Variants in B4GALNT2 observed in about 807,000 individuals in gnomAD.
The protein encoded by B4GALNT2 is beta-1,4-N-acetyl-galactosaminyltransferase 2 (SID blood group), also known as N-acetylneuraminylgalactosylglucosyl-glucoside beta-1,4-N- acetylgalactosaminyltransferase 2.
Under a neutral mutation model 51.1 loss-of-function variants are expected in B4GALNT2, and 42 were observed. The observed-to-expected ratio is 0.82, with a 90% CI of 0.64 to 1.06. The LOEUF is 1.06. Ranked by LOEUF, B4GALNT2 falls within the 50% of genes least tolerant of loss-of-function variation. The pLI, the probability that B4GALNT2 is intolerant of heterozygous loss-of-function variation, is 0.00. For missense variants in B4GALNT2, 602 were observed against 633.6 expected (o/e 0.95, Z 0.54); for synonymous variants, 253 against 251.7 (o/e 1.01, Z -0.05).
chr17:49,154,310 T>A (rs893413447), intron 4 of B4GALNT2, among the ~76,000 whole-genome samples: 1 of 152,126 alleles, frequency 6.6e-6, no homozygotes, highest in South Asian at 2.1e-4. Flanking sequence ...CGGGAGTGCA[T>A]TGTGAAAAGA....
chr17:49,125,639 C>T, the B4GALNT2 span, among the ~76,000 whole-genome samples: 10 of 149,184 alleles, frequency 6.7e-5, no homozygotes, highest in South Asian at 1.9e-3. Flanking sequence ...TCTGCCCGGC[C>T]GCGGCCCCGT....
chr17:49,135,447 A>T (rs1439812474), intron 1 of B4GALNT2, among the ~76,000 whole-genome samples: 1 of 151,218 alleles, frequency 6.6e-6, no homozygotes, highest in African/African-American at 2.4e-5. Flanking sequence ...CCCGCCTAAG[A>T]TGGAGTTTCA....
Position 49,169,708 on chromosome 17 carries a change from C to A in B4GALNT2, c.1501C>A (p.His501Asn). ...GCTGGCCCTCCACTACTTCAAGAACCATCTCCAATGTGCCGCATAAAGGTG... is the reference window on the plus strand; with the variant it reads ...GCTGGCCCTCCACTACTTCAAGAACAATCTCCAATGTGCCGCATAAAGGTG... ...FKLALHYFKN[H>N]LQCAA The change falls in exon 11 of 11, where the codon CAT becomes AAT. Residue 501 changes from histidine to asparagine, a missense_variant. Physicochemically the swap from His to Asn is moderately conservative, Grantham distance 68. Transcript: ENST00000393354. 2 of 1,591,250 alleles carry A rather than the reference C, an allele frequency of 1.3e-6. No individual in the cohort carries two copies. The highest frequency in any genetic ancestry group is 1.3e-5 in the African/African-American group (1 of 74,736).
At position 49,174,847 on chromosome 17, in the gene B4GALNT2, C is replaced by T. The variant is rs908584530; in HGVS notation, c.*5119C>T. 1 of 152,110 alleles carries T rather than the reference C, an allele frequency of 6.6e-6. No homozygotes were observed. Among genetic ancestry groups the T allele is most frequent in the Non-Finnish European group, 1.5e-5 (1 of 68,030 alleles). 9.4% of individuals were successfully genotyped at this position (152,110 alleles called of 1,614,324 possible). ...CTTTGTCTTTCCGCTTGAAGTGGTT[C>T]CTTCAAATCTTGCAAATTTTTTCCT... On this transcript the variant is annotated 3_prime_UTR_variant, in exon 11 of 11. Coordinates refer to ENST00000393354, the MANE Select transcript of B4GALNT2 (RefSeq NM_001159387.2).
At chr17:49,134,438 T>C (rs1432913741) in intron 1 of B4GALNT2, among the ~76,000 whole-genome samples, 1 of 152,224 alleles carries the variant, frequency 6.6e-6, no homozygotes, top group African/African-American at 2.4e-5. Context: ...GCAGTCTTGC[T>C]CCATCACCCA....
chr17:49,148,699 C>A, intron 3 of B4GALNT2: 1 of 561,576 alleles, frequency 1.8e-6, no homozygotes. Flanking sequence ...ACCTTCTTGT[C>A]TGCCAGCTCC....
At position 49,141,340 on chromosome 17, in the gene B4GALNT2, G is replaced by GTTCC. The variant is rs766108082; in HGVS notation, c.111_112insCTTC (p.Ser38LeufsTer23). ...TCGGAAGCATGTTCCTTCAAGCAGT[G>GTTCC]TTCAGCAGCCCCAAGCCAGAACTCC... On this transcript the variant is annotated frameshift_variant, in exon 2 of 11. Transcript: ENST00000393354. LOFTEE classifies it high-confidence loss of function. 6.2e-7 allele frequency: 1 copy of GTTCC among 1,614,168 alleles called. No homozygotes were observed. The highest frequency in any genetic ancestry group is 1.1e-5 in the South Asian group (1 of 91,076).
chr17:49,174,159 A>G lies in B4GALNT2; in HGVS notation c.*4431A>G, dbSNP rs549735229. 9 of 152,286 alleles carry G rather than the reference A, an allele frequency of 5.9e-5. No homozygotes were observed. The South Asian group carries it at 1.9e-3, about 32-fold the overall frequency. 9.4% of individuals were successfully genotyped at this position (152,286 alleles called of 1,614,324 possible). On this transcript the variant is annotated 3_prime_UTR_variant, in exon 11 of 11. Transcript: ENST00000393354. ...GAATTTTGTCAGGAGCTATAATTAA[A>G]CCAGCATGAGAAATCAAATTTTGCA...
chr17:49,135,386 G>T (rs1414694193), intron 1 of B4GALNT2, among the ~76,000 whole-genome samples: 35 of 143,660 alleles, frequency 2.4e-4, no homozygotes, highest in Non-Finnish European at 6.0e-5. Flanking sequence ...TGCAACCTCC[G>T]CCTCCCAGGT....
intron 3 of B4GALNT2, among the ~76,000 whole-genome samples, chr17:49,146,987 G>A (rs59412945): frequency 0.054 from 8,278 of 152,220 alleles, 371 homozygotes; most frequent in South Asian, 0.13. Context: ...ATAAATCTCT[G>A]GAGTATATAC....
intron 3 of B4GALNT2, among the ~76,000 whole-genome samples, chr17:49,144,386 C>G (rs1315205721): frequency 2.6e-5 from 4 of 152,316 alleles, no homozygotes; most frequent in South Asian, 4.1e-4. Flanking sequence ...CCGTCTCCAT[C>G]AGGAGGTGTT....
rs2144350524 is a variant in B4GALNT2, at chr17:49,171,362, T to G, written c.*1634T>G. On this transcript the variant is annotated 3_prime_UTR_variant, in exon 11 of 11. Transcript: ENST00000393354. The stretch of plus-strand genomic sequence containing the variant: ...TATCTGCTAATCTGTCTGCAGCTCC[T>G]TCAAGCACTCCAGTTCCTGGCATTA... 4.7e-6 allele frequency: 2 copies of G among 429,992 alleles called. No homozygotes were observed. The highest frequency in any genetic ancestry group is 3.4e-5 in the South Asian group (2 of 59,364). 26.6% of individuals were successfully genotyped at this position (429,992 alleles called of 1,614,324 possible). A position where few individuals can be genotyped will look rare whatever the true frequency, so the allele number is the denominator to read the frequency against.
chr17:49,145,804 T>C (rs1431329912), intron 3 of B4GALNT2, among the ~76,000 whole-genome samples: 3 of 152,344 alleles, frequency 2.0e-5, no homozygotes, highest in Non-Finnish European at 2.9e-5. Context: ...TTTATCTTGA[T>C]AGCCCGGGTC....
intron 1 of B4GALNT2, among the ~76,000 whole-genome samples, chr17:49,135,672 T>G (rs1267322411): frequency 6.6e-6 from 1 of 152,170 alleles, no homozygotes; most frequent in Non-Finnish European, 1.5e-5. Context: ...GGTGTGTGCC[T>G]ATAGTCCCAG....
In B4GALNT2 at chr17:49,164,171, C is replaced by A; in HGVS notation, c.850C>A (p.Arg284=). 6.2e-7 allele frequency: 1 copy of A among 1,613,906 alleles called. No individual in the cohort carries two copies. ...GCTCATGATCATGCTCCGGAGTATT[C>A]GAGAGTATTACCCAGACTTGACCGT... The part of the protein sequence containing the change: ...HKLMIMLRSI[R]EYYPDLTVIV... Residue 284 remains arginine, a synonymous_variant, in exon 8 of 11, where the codon CGA becomes AGA. Coordinates refer to ENST00000393354, the MANE Select transcript of B4GALNT2 (RefSeq NM_001159387.2).
In B4GALNT2 at chr17:49,173,685, C is replaced by T. The variant is rs571548440; in HGVS notation, c.*3957C>T. ...CATGTAATTTAACAATCTGAGTTCT[C>T]CCATTTCCTATCATAGTAGCGATTT... On this transcript the variant is annotated 3_prime_UTR_variant, in exon 11 of 11. Coordinates refer to ENST00000393354, the MANE Select transcript of B4GALNT2 (RefSeq NM_001159387.2). 2.6e-5 allele frequency: 4 copies of T among 152,254 alleles called. No individual in the cohort carries two copies. In the East Asian group the frequency reaches 7.7e-4, roughly 29 times the overall value. 9.4% of individuals were successfully genotyped at this position (152,254 alleles called of 1,614,324 possible).
At chr17:49,157,957 CA>C (rs1183533673) in intron 5 of B4GALNT2, among the ~76,000 whole-genome samples, 1 of 152,122 alleles carries the variant, frequency 6.6e-6, no homozygotes, top group African/African-American at 2.4e-5. Flanking sequence ...TGACACTATT[CA>C]ATTTCCTTTA....
At chr17:49,143,267 A>C (rs1468884387) in intron 3 of B4GALNT2, among the ~76,000 whole-genome samples, 3 of 149,370 alleles carry the variant, frequency 2.0e-5, no homozygotes, top group Non-Finnish European at 4.4e-5. Context: ...GAAAAGAGAA[A>C]AAACAAACAA....
chr17:49,147,101 C>T (rs2042701820), intron 3 of B4GALNT2, among the ~76,000 whole-genome samples: 1 of 152,132 alleles, frequency 6.6e-6, no homozygotes, highest in Non-Finnish European at 1.5e-5. Context: ...GAATGCATGA[C>T]TGATGTGGAA....
Sources: gnomAD v4.1 joint callset for allele counts (sites outside exome capture counted in the v4.1 genomes callset) on GRCh38, gnomAD v4.1.1 for gene constraint, MANE v1.5 for transcripts, NCBI Gene and HGNC (gene_info 2026-07-23, HGNC 2026-07-21) for gene names.